STXBP5L: variants seen among roughly 807,000 people sequenced by gnomAD.
STXBP5L encodes syntaxin-binding protein 5-like.
STXBP5L carries 65 observed loss-of-function variants against 144.5 expected under a neutral mutation model. That is an observed-to-expected ratio of 0.45 (90% confidence interval 0.37 to 0.55). STXBP5L has a LOEUF of 0.55. Among genes scored for constraint, STXBP5L ranks in the 20% least tolerant of loss-of-function variants. The probability of loss-of-function intolerance (pLI) is 0.00; values close to 1 mark genes in which losing one functional copy is unlikely to be tolerated. For missense variants in STXBP5L, 1,298 were observed against 1,405.5 expected, an observed-to-expected ratio of 0.92 and a Z score of 1.22; for synonymous variants, 505 against 469.6, an observed-to-expected ratio of 1.08 and a Z score of -0.97.
intron 3 of STXBP5L, among the ~76,000 whole-genome samples, chr3:120,973,939 CATT>C (rs998217273): frequency 2.6e-5 from 4 of 152,192 alleles, no homozygotes; most frequent in African/African-American, 9.7e-5. Context: ...TCCAGTCAAT[CATT>C]GTTGGACATT....
At chr3:120,955,532 T>C (rs1387085533) in intron 3 of STXBP5L, among the ~76,000 whole-genome samples, 1 of 152,026 alleles carries the variant, frequency 6.6e-6, no homozygotes, top group Non-Finnish European at 1.5e-5. Context: ...GTACTATAAA[T>C]TTCCTCCCAA....
At chr3:121,411,439 C>G (rs2047112879) in intron 23 of STXBP5L, among the ~76,000 whole-genome samples, 1 of 152,060 alleles carries the variant, frequency 6.6e-6, no homozygotes, top group Non-Finnish European at 1.5e-5. Flanking sequence ...AATTTAATTA[C>G]AAGTTTACCT....
At chr3:121,007,403 TG>T (rs1355667854) in intron 3 of STXBP5L, among the ~76,000 whole-genome samples, 1 of 152,020 alleles carries the variant, frequency 6.6e-6, no homozygotes, top group Non-Finnish European at 1.5e-5. Flanking sequence ...CAAATTTAAT[TG>T]AGAATTATTT....
At chr3:121,155,193 T>C (rs919917050) in intron 8 of STXBP5L, among the ~76,000 whole-genome samples, 2 of 151,870 alleles carry the variant, frequency 1.3e-5, no homozygotes, top group Non-Finnish European at 3.0e-5. Context: ...AGATTTAAGG[T>C]CCTAGTGCTA....
intron 1 of STXBP5L, chr3:120,909,126 T>G (rs2107538382): frequency 6.5e-6 from 1 of 152,686 alleles, no homozygotes; most frequent in South Asian, 2.1e-4. Context: ...TTTCTGAAAA[T>G]AAAATACTCT....
chr3:121,280,363 T>G (rs1210955123), intron 19 of STXBP5L, among the ~76,000 whole-genome samples: 1 of 151,924 alleles, frequency 6.6e-6, no homozygotes, highest in Non-Finnish European at 1.5e-5. Context: ...TAATTTTAGG[T>G]CATTTACTAC....
At chr3:120,997,124 AT>A (rs150877540) in intron 3 of STXBP5L, among the ~76,000 whole-genome samples, 15,102 of 151,800 alleles carry the variant, frequency 0.099, 1,179 homozygotes, top group Admixed American at 0.2. Flanking sequence ...AAAGGAAATG[AT>A]TTTTTTTATG....
chr3:121,104,298 A>G (rs970124857), intron 5 of STXBP5L, among the ~76,000 whole-genome samples: 1 of 152,216 alleles, frequency 6.6e-6, no homozygotes. Context: ...GGTAGAATCA[A>G]TATTGTGAAA....
intron 2 of STXBP5L, among the ~76,000 whole-genome samples, chr3:120,922,557 G>A (rs1709409272): frequency 6.6e-6 from 1 of 151,914 alleles, no homozygotes; most frequent in African/African-American, 2.4e-5. Flanking sequence ...TTAGAGGAAA[G>A]GCTTTCAAAT....
chr3:121,108,364 C>G (rs975105052), intron 5 of STXBP5L, among the ~76,000 whole-genome samples: 1 of 151,988 alleles, frequency 6.6e-6, no homozygotes, highest in Non-Finnish European at 1.5e-5. Flanking sequence ...CTAAATGGCT[C>G]TTATTATTTT....
intron 20 of STXBP5L, among the ~76,000 whole-genome samples, chr3:121,335,528 T>A (rs974754990): frequency 1.3e-5 from 2 of 152,096 alleles, no homozygotes; most frequent in African/African-American, 4.8e-5. Context: ...ACTGGAAGCA[T>A]CATGTTACCC....
chr3:121,079,466 C>A (rs1415686893), intron 5 of STXBP5L, among the ~76,000 whole-genome samples: 1 of 152,084 alleles, frequency 6.6e-6, no homozygotes, highest in Non-Finnish European at 1.5e-5. Context: ...TGTTAATATT[C>A]CTTTTTAACT....
At chr3:120,964,912 C>T (rs1166890004) in intron 3 of STXBP5L, among the ~76,000 whole-genome samples, 1 of 152,130 alleles carries the variant, frequency 6.6e-6, no homozygotes, top group Non-Finnish European at 1.5e-5. Context: ...GTCTAAGTCT[C>T]TTTGTATGTC....
chr3:121,033,226 G>A (rs1249029094), intron 3 of STXBP5L, among the ~76,000 whole-genome samples: 1 of 140,250 alleles, frequency 7.1e-6, no homozygotes, highest in African/African-American at 2.7e-5. Flanking sequence ...ATACACCATG[G>A]AATACTATGC....
At chr3:121,179,011 G>C (rs752233601) in intron 9 of STXBP5L, among the ~76,000 whole-genome samples, 1 of 152,000 alleles carries the variant, frequency 6.6e-6, no homozygotes, top group Non-Finnish European at 1.5e-5. Flanking sequence ...TGGGCACTTG[G>C]CATTACAGGA....
At chr3:121,384,027 G>C (rs1018984062) in intron 22 of STXBP5L, among the ~76,000 whole-genome samples, 1 of 152,018 alleles carries the variant, frequency 6.6e-6, no homozygotes, top group African/African-American at 2.4e-5. Context: ...ATAAACTTTT[G>C]TTAGTCGGCC....
At chr3:121,210,529 G>C (rs530979482) in intron 10 of STXBP5L, among the ~76,000 whole-genome samples, 1 of 152,154 alleles carries the variant, frequency 6.6e-6, no homozygotes. Flanking sequence ...GCATGGTATT[G>C]CCTAGGTTTT....
At chr3:121,392,831 A>G (rs1380758854) in intron 22 of STXBP5L, among the ~76,000 whole-genome samples, 3 of 146,162 alleles carry the variant, frequency 2.1e-5, no homozygotes, top group African/African-American at 7.6e-5. Flanking sequence ...CCAATTGCCC[A>G]TTGATAGACA....
intron 3 of STXBP5L, among the ~76,000 whole-genome samples, chr3:121,032,182 A>G (rs1342809223): frequency 6.6e-6 from 1 of 152,052 alleles, no homozygotes; most frequent in Non-Finnish European, 1.5e-5. Flanking sequence ...AGGTCTAGAA[A>G]AGAATGTAGG....
Sources: allele counts gnomAD v4.1 joint callset (sites outside exome capture counted in the v4.1 genomes callset), GRCh38; gene constraint gnomAD v4.1.1; transcripts MANE v1.5; gene names NCBI Gene and HGNC (gene_info 2026-07-23, HGNC 2026-07-21).